Variants in PPIL3 observed in about 807,000 individuals in gnomAD.
PPIL3 encodes the protein peptidylprolyl isomerase like 3.
In PPIL3, 13 loss-of-function variants were observed where a neutral mutation model predicts 20.9. The observed-to-expected ratio is 0.62, with a 90% CI of 0.40 to 0.99. The LOEUF (loss-of-function observed/expected upper bound fraction) is 0.99. PPIL3 is among the 50% of genes least tolerant of loss of function. The pLI is 0.00. For missense variants in PPIL3, 170 were observed against 195.2 expected (o/e 0.87, Z 0.77); for synonymous variants, 71 against 64.4 (o/e 1.10, Z -0.49).
At chr2:200,874,464 C>T (rs1037913526) in intron 6 of PPIL3, among the ~76,000 whole-genome samples, 1 of 151,998 alleles carries the variant, frequency 6.6e-6, no homozygotes, top group South Asian at 2.1e-4. Flanking sequence ...ATATGGGAAA[C>T]GGACCCCTTG....
At chr2:200,884,778 A>G (rs988272603) in intron 3 of PPIL3, 12 of 152,042 alleles carry the variant, frequency 7.9e-5, no homozygotes, top group African/African-American at 2.7e-4. Context: ...TTAATATAAT[A>G]TCCTGCCGGG....
At chr2:200,872,139 T>C (rs939783778) in intron 6 of PPIL3, among the ~76,000 whole-genome samples, 1 of 152,144 alleles carries the variant, frequency 6.6e-6, no homozygotes, top group African/African-American at 2.4e-5. Context: ...CTAACCATGA[T>C]ATAATTTGGG....
At chr2:200,879,125 CTT>C (rs1056461692) in intron 5 of PPIL3, among the ~76,000 whole-genome samples, 1 of 144,924 alleles carries the variant, frequency 6.9e-6, no homozygotes, top group Admixed American at 7.0e-5. Flanking sequence ...TATAATGGTT[CTT>C]TTTTTTTTTT....
chr2:200,881,209 G>A (rs1301783241), intron 5 of PPIL3, among the ~76,000 whole-genome samples: 1 of 152,204 alleles, frequency 6.6e-6, no homozygotes, highest in Non-Finnish European at 1.5e-5. Context: ...TTACTATCAA[G>A]AGCCACGTGG....
chr2:200,888,313 T>C (rs967062478), intron 1 of PPIL3: 8 of 152,204 alleles, frequency 5.3e-5, no homozygotes, highest in African/African-American at 1.9e-4. Context: ...TCTGCTTAAA[T>C]GTCAAGTTTA....
intron 5 of PPIL3, among the ~76,000 whole-genome samples, chr2:200,878,371 CT>C (rs930683136): frequency 1.5e-4 from 22 of 146,264 alleles, no homozygotes; most frequent in East Asian, 3.9e-4. Context: ...ATTCTAATAC[CT>C]TTTTTTTTTC....
chr2:200,880,423 T>TTTTTTTTG (rs2039682590), intron 5 of PPIL3, among the ~76,000 whole-genome samples: 1 of 151,032 alleles, frequency 6.6e-6, no homozygotes, highest in African/African-American at 2.5e-5. Flanking sequence ...TTTTTTTTTT[T>TTTTTTTTG]GAGTGGGGTC....
At chr2:200,871,628 C>A in intron 6 of PPIL3, 107 bp from the exon 7 acceptor site, 2 of 912,612 alleles carry the variant, frequency 2.2e-6, no homozygotes, top group Non-Finnish European at 3.2e-6. Flanking sequence ...TCTTACAGAT[C>A]TCTGAGTTCT....
At chr2:200,884,201 G>A (rs531808390) in intron 3 of PPIL3, among the ~76,000 whole-genome samples, 1 of 151,900 alleles carries the variant, frequency 6.6e-6, no homozygotes, top group African/African-American at 2.4e-5. Context: ...TCAGGAGTTT[G>A]AGACCAGCCT....
At chr2:200,884,128 C>G (rs147395996) in intron 3 of PPIL3, among the ~76,000 whole-genome samples, 3 of 108,272 alleles carry the variant, frequency 2.8e-5, no homozygotes, top group African/African-American at 4.4e-5. Context: ...ACAGGTGACA[C>G]AGGCCGGGTG....
intron 3 of PPIL3, chr2:200,884,997 C>A (rs543030903): frequency 6.9e-6 from 1 of 145,464 alleles, no homozygotes; most frequent in Non-Finnish European, 1.5e-5. Context: ...ACCCCAGAGG[C>A]GAAGGTTGCA....
chr2:200,882,152 T>A (rs577784309), intron 4 of PPIL3, among the ~76,000 whole-genome samples, 190 bp downstream of exon 4: 1 of 152,322 alleles, frequency 6.6e-6, no homozygotes, highest in Admixed American at 6.5e-5. Context: ...GACAGGCTGA[T>A]AGGTGCAGCA....
chr2:200,877,117 C>T, intron 5 of PPIL3, 80 bp from the exon 6 acceptor site: 1 of 934,720 alleles, frequency 1.1e-6, no homozygotes, highest in Non-Finnish European at 1.7e-6. Flanking sequence ...ACAGGCACAC[C>T]TTTGTTTTCT....
chr2:200,882,816 C>T (rs886183842), intron 3 of PPIL3, among the ~76,000 whole-genome samples: 4 of 150,188 alleles, frequency 2.7e-5, no homozygotes, highest in Non-Finnish European at 4.4e-5. Flanking sequence ...AGGAGAATGG[C>T]GTGAACTTGG....
At chr2:200,876,346 T>A (rs928323115) in intron 6 of PPIL3, among the ~76,000 whole-genome samples, 2 of 151,980 alleles carry the variant, frequency 1.3e-5, no homozygotes, top group Non-Finnish European at 1.5e-5. Context: ...AGATATACTA[T>A]GTTAATTTGC....
At chr2:200,885,345 TG>T in intron 3 of PPIL3, 2 of 361,420 alleles carry the variant, frequency 5.5e-6, no homozygotes, top group African/African-American at 2.1e-5. Context: ...TACTCCAGCC[TG>T]GGGGACACAG....
chr2:200,884,326 T>C (rs1446375711), intron 3 of PPIL3, among the ~76,000 whole-genome samples: 4 of 151,776 alleles, frequency 2.6e-5, no homozygotes, highest in Non-Finnish European at 5.9e-5. Context: ...CCCTTGGACC[T>C]GGGTGGCGGA....
intron 5 of PPIL3, among the ~76,000 whole-genome samples, chr2:200,878,580 AG>A (rs2039605501): frequency 6.6e-6 from 1 of 151,760 alleles, no homozygotes; most frequent in Non-Finnish European, 1.5e-5. Flanking sequence ...AGTAGAGATG[AG>A]GGCTCAATAT....
chr2:200,887,249 G>T (rs1310992693), intron 2 of PPIL3, among the ~76,000 whole-genome samples: 10 of 152,002 alleles, frequency 6.6e-5, no homozygotes, highest in Admixed American at 6.6e-4. Context: ...AGCTGGGCGT[G>T]GTGGCAGGCG....
Sources: allele counts gnomAD v4.1 joint callset (sites outside exome capture counted in the v4.1 genomes callset), GRCh38; gene constraint gnomAD v4.1.1; transcripts MANE v1.5; gene names NCBI Gene and HGNC (gene_info 2026-07-23, HGNC 2026-07-21).